The following CIB4 variants were observed in gnomAD, a reference collection of about 807,000 sequenced individuals.
The protein encoded by CIB4 is calcium and integrin binding family member 4.
A neutral mutation model predicts 25.8 loss-of-function variants in CIB4; 25 were observed. The ratio of observed to expected loss-of-function variants is 0.97; its 90% CI spans 0.71 to 1.35. CIB4 has a LOEUF of 1.35. Ranked by LOEUF, CIB4 falls within the 40% of genes most tolerant of loss-of-function variation. The probability of loss-of-function intolerance (pLI) is 0.00; values close to 1 mark genes in which losing one functional copy is unlikely to be tolerated. For synonymous variants in CIB4, 75 were observed against 81.4 expected (o/e 0.92, Z 0.42); for missense variants, 235 against 228.2 (o/e 1.03, Z -0.19).
At chr2:26,582,798 A>G (rs749936526) in intron 6 of CIB4, 27 bp downstream of exon 6, 5 of 1,460,848 alleles carry the variant, frequency 3.4e-6, no homozygotes, top group East Asian at 2.3e-5. Context: ...TCTCCTGGAC[A>G]GTCTCACCCC....
chr2:26,614,118 G>A (rs1669048669), intron 3 of CIB4, among the ~76,000 whole-genome samples: 1 of 152,224 alleles, frequency 6.6e-6, no homozygotes, highest in African/African-American at 2.4e-5. Flanking sequence ...GCCCGAAGAG[G>A]GGAGGGGGTA....
At chr2:26,589,188 C>T (rs1385947565) in intron 4 of CIB4, among the ~76,000 whole-genome samples, 1 of 146,210 alleles carries the variant, frequency 6.8e-6, no homozygotes, top group Non-Finnish European at 1.5e-5. Context: ...TCCTCTTCCT[C>T]TTCCTCCCCT....
intron 4 of CIB4, among the ~76,000 whole-genome samples, chr2:26,593,263 C>T (rs1668617643): frequency 6.6e-6 from 1 of 151,958 alleles, no homozygotes; most frequent in Non-Finnish European, 1.5e-5. Context: ...GAGCCAGTTC[C>T]TAGAATAAAT....
chr2:26,581,215 C>T lies in CIB4; in HGVS notation c.*148G>A, dbSNP rs1668329147. On this transcript the variant is annotated 3_prime_UTR_variant, in exon 7 of 7. Transcript: ENST00000288861. Reference sequence around the variant, plus strand: ...GATGATCTGATGGGCTAAGGAAAAGCTTTTTCTTTTATCTAATAAACAATA... The same window carrying T: ...GATGATCTGATGGGCTAAGGAAAAGTTTTTTCTTTTATCTAATAAACAATA... 2 of 665,746 alleles carry T rather than the reference C, an allele frequency of 3.0e-6. No homozygotes were observed. Among genetic ancestry groups the T allele is most frequent in the Non-Finnish European group, 2.7e-6 (1 of 375,734 alleles). The allele number at this position is 665,746 out of a possible 1,614,324, so 41.2% of individuals were successfully genotyped here. A position where few individuals can be genotyped will look rare whatever the true frequency, so the allele number is the denominator to read the frequency against.
chr2:26,638,082 C>T (rs548773279), intron 2 of CIB4, among the ~76,000 whole-genome samples: 82 of 152,308 alleles, frequency 5.4e-4, no homozygotes, highest in Non-Finnish European at 9.1e-4. Context: ...CAGGCACAGG[C>T]CCTTCATGCT....
chr2:26,617,145 T>TGTGTGTGTGTGC lies in CIB4; in HGVS notation c.186+12264_186+12265insGCACACACACAC, dbSNP rs1381689008. Among the ~76,000 whole-genome samples the TGTGTGTGTGTGC allele has an allele frequency of 1.6e-3, 224 of 139,126 alleles. 1 individual carries two copies. Among genetic ancestry groups the TGTGTGTGTGTGC allele is most frequent in the African/African-American group, 5.1e-3 (202 of 39,280 alleles). The allele number at this position is 139,126 out of a possible 152,430, so 91.3% of individuals were successfully genotyped here. On this transcript the variant is annotated intron_variant, in intron 3 of 6. Coordinates refer to ENST00000288861, the MANE Select transcript of CIB4 (RefSeq NM_001029881.3). ...ATGTGTGTGTGTGTGTGTGTGTGTG[T>TGTGTGTGTGTGC]GTGCACGTGAGCGTGGGTGGGCATG...
intron 4 of CIB4, among the ~76,000 whole-genome samples, chr2:26,594,890 TTCTC>T (rs139049681): frequency 6.6e-6 from 1 of 151,242 alleles, no homozygotes; most frequent in Non-Finnish European, 1.5e-5. Context: ...GCATATGTGA[TTCTC>T]TCTCTCTCTC....
chr2:26,614,345 G>C (rs1359879082), intron 3 of CIB4, among the ~76,000 whole-genome samples: 1 of 152,186 alleles, frequency 6.6e-6, no homozygotes, highest in East Asian at 1.9e-4. Context: ...GGATGAGCAT[G>C]TCCCCAGGCC....
intron 2 of CIB4, among the ~76,000 whole-genome samples, chr2:26,631,335 C>T (rs2148225019): frequency 6.6e-6 from 1 of 152,252 alleles, no homozygotes; most frequent in South Asian, 2.1e-4. Flanking sequence ...ATTAGCCAGG[C>T]ATACTGGCAC....
intron 4 of CIB4, among the ~76,000 whole-genome samples, chr2:26,594,761 A>G (rs976810351): frequency 6.6e-6 from 1 of 152,086 alleles, no homozygotes; most frequent in Non-Finnish European, 1.5e-5. Flanking sequence ...CTATCCCCTC[A>G]TTTTACAGAT....
chr2:26,625,872 T>G (rs1669294313), intron 3 of CIB4, among the ~76,000 whole-genome samples: 1 of 152,266 alleles, frequency 6.6e-6, no homozygotes, highest in Non-Finnish European at 1.5e-5. Context: ...TTTGGGGTTT[T>G]ACATTTAAAT....
At chr2:26,633,408 C>T (rs77876435) in intron 2 of CIB4, among the ~76,000 whole-genome samples, 8,938 of 152,220 alleles carry the variant, frequency 0.059, 518 homozygotes, top group East Asian at 0.34. Flanking sequence ...TGGGAAGAGA[C>T]GGAGTGGAGG....
chr2:26,605,945 T>C (rs1214784345), intron 3 of CIB4, among the ~76,000 whole-genome samples: 1 of 152,040 alleles, frequency 6.6e-6, no homozygotes, highest in East Asian at 1.9e-4. Flanking sequence ...AAAATCACAC[T>C]CCCACCTACC....
intron 3 of CIB4, among the ~76,000 whole-genome samples, chr2:26,622,838 C>G (rs550369199): frequency 3.3e-5 from 5 of 152,170 alleles, no homozygotes; most frequent in African/African-American, 1.2e-4. Context: ...CAAAAATTAG[C>G]CAGGCATGGC....
intron 3 of CIB4, among the ~76,000 whole-genome samples, chr2:26,606,498 C>A (rs541099580): frequency 6.6e-6 from 1 of 152,090 alleles, no homozygotes; most frequent in East Asian, 1.9e-4. Flanking sequence ...CCCCCCTCCT[C>A]CCGCGCCCCT....
intron 3 of CIB4, among the ~76,000 whole-genome samples, chr2:26,596,581 T>G (rs1456303857): frequency 6.6e-6 from 1 of 151,934 alleles, no homozygotes; most frequent in African/African-American, 2.4e-5. Flanking sequence ...CCGTCTCTAC[T>G]AACAATACAA....
At chr2:26,608,281 G>T (rs1236176350) in intron 3 of CIB4, among the ~76,000 whole-genome samples, 1 of 151,832 alleles carries the variant, frequency 6.6e-6, no homozygotes, top group Non-Finnish European at 1.5e-5. Context: ...GGTGAGAAGG[G>T]GGTGAGAAGG....
At chr2:26,584,195 A>C (rs1487894334) in intron 4 of CIB4, among the ~76,000 whole-genome samples, 7 of 152,220 alleles carry the variant, frequency 4.6e-5, no homozygotes, top group Admixed American at 4.6e-4. Context: ...TTTACCAAAA[A>C]GAAACTGAGG....
intron 3 of CIB4, among the ~76,000 whole-genome samples, chr2:26,609,251 C>T (rs1196669340): frequency 6.6e-6 from 1 of 152,092 alleles, no homozygotes; most frequent in Non-Finnish European, 1.5e-5. Context: ...GTGCCCAGTA[C>T]AGAGAGAATG....
Sources: gnomAD v4.1 joint callset for allele counts (sites outside exome capture counted in the v4.1 genomes callset) on GRCh38, gnomAD v4.1.1 for gene constraint, MANE v1.5 for transcripts, NCBI Gene and HGNC (gene_info 2026-07-23, HGNC 2026-07-21) for gene names.